FOXP1: variants seen among roughly 807,000 people sequenced by gnomAD.
The protein encoded by FOXP1 is forkhead box P1, also known as forkhead box protein P1.
A neutral mutation model predicts 98.2 loss-of-function variants in FOXP1; 15 were observed. The observed-to-expected ratio is 0.15, with a 90% confidence interval of 0.10 to 0.24. FOXP1 has a LOEUF of 0.24. FOXP1 is among the 10% of genes least tolerant of loss of function. The probability of loss-of-function intolerance (pLI) is 1.00; values close to 1 mark genes in which losing one functional copy is unlikely to be tolerated. For missense variants in FOXP1, 633 were observed against 848.5 expected (o/e 0.75, Z 3.15); for synonymous variants, 371 against 314.5 (o/e 1.18, Z -1.90).
At chr3:71,012,840 AC>A (rs2043851880) in intron 12 of FOXP1, among the ~76,000 whole-genome samples, 1 of 152,110 alleles carries the variant, frequency 6.6e-6, no homozygotes, top group Non-Finnish European at 1.5e-5. Context: ...CAATTTGTAA[AC>A]CATCAAGCAC....
intron 6 of FOXP1, among the ~76,000 whole-genome samples, chr3:71,156,277 C>A (rs2060819354): frequency 6.6e-6 from 1 of 152,134 alleles, no homozygotes; most frequent in Admixed American, 6.5e-5. Context: ...CTTCCTCATT[C>A]CTGCTCTCTT....
rs1446110820 is a variant in FOXP1 at position 70,958,264 on chromosome 3, A to G, written c.*983T>C. 5.6e-6 allele frequency: 3 copies of G among 535,158 alleles called. No individual in the cohort carries two copies. Among genetic ancestry groups the G allele is most frequent in the East Asian group, 3.9e-5 (1 of 25,686 alleles). 33.2% of individuals were successfully genotyped at this position (535,158 alleles called of 1,614,324 possible). ...ACACCCCTCCCCCGAACCACCCCCA[A>G]TACTGCTGCGTGGAATGAATCGGCA... On this transcript the variant is annotated 3_prime_UTR_variant, in exon 21 of 21. Coordinates refer to ENST00000649528, the MANE Select transcript of FOXP1 (RefSeq NM_001349338.3).
chr3:71,302,608 GTTT>G (rs1040022816), intron 4 of FOXP1: 1 of 148,370 alleles, frequency 6.7e-6, no homozygotes, highest in Non-Finnish European at 1.5e-5. Context: ...TACGAATTGC[GTTT>G]TTTTTTCTTT....
intron 6 of FOXP1, among the ~76,000 whole-genome samples, chr3:71,174,785 TACAC>T (rs3064896): frequency 0.068 from 8,923 of 131,670 alleles, 303 homozygotes; most frequent in African/African-American, 0.1. Context: ...TGCACATGCA[TACAC>T]ACACACACAC....
rs917517913 is a variant in FOXP1, at chr3:71,336,139, AAAG to A, written c.-73+23008_-73+23010del. Reference sequence around the variant, plus strand: ...ATCAGAAGGACAGAGGAGCGAATGCAAAGAAGTTACACTCATGAAAGACAGACA... The same window carrying A: ...ATCAGAAGGACAGAGGAGCGAATGCAAAGTTACACTCATGAAAGACAGACA... On this transcript the variant is annotated intron_variant, in intron 4 of 20. Transcript: ENST00000649528. Among the ~76,000 whole-genome samples the A allele has an allele frequency of 3.2e-4, 49 of 152,228 alleles. 1 individual carries two copies. The highest frequency in any genetic ancestry group is 8.7e-4 in the African/African-American group (36 of 41,540).
At chr3:70,960,339 C>A (rs749822057) in intron 20 of FOXP1, among the ~76,000 whole-genome samples, 1 of 152,140 alleles carries the variant, frequency 6.6e-6, no homozygotes, top group Non-Finnish European at 1.5e-5. Flanking sequence ...ACATGAGGCC[C>A]GGCTGGTAGC....
At position 71,051,645 on chromosome 3, in the gene FOXP1, A is replaced by G. The variant is rs185521940; in HGVS notation, c.510+892T>C. On this transcript the variant is annotated intron_variant, in intron 9 of 20. Coordinates refer to ENST00000649528, the MANE Select transcript of FOXP1 (RefSeq NM_001349338.3). ...TTGTGTCATCCCAAGGAGAACACTT[A>G]AACAAAAAGAATTTTCAGTCCACTG... Among the ~76,000 whole-genome samples the G allele has an allele frequency of 2.0e-4, 31 of 152,330 alleles. No homozygotes were observed. The East Asian group carries it at 6.0e-3, about 29-fold the overall frequency.
chr3:71,215,903 C>T (rs1173413340), intron 5 of FOXP1, among the ~76,000 whole-genome samples: 1 of 152,192 alleles, frequency 6.6e-6, no homozygotes, highest in Non-Finnish European at 1.5e-5. Flanking sequence ...GCCTCGAAAT[C>T]TAAAGAAAAT....
At chr3:71,491,836 C>G (rs2107020632) in intron 3 of FOXP1, among the ~76,000 whole-genome samples, 1 of 152,260 alleles carries the variant, frequency 6.6e-6, no homozygotes, top group Non-Finnish European at 1.5e-5. Context: ...TCAAAATGAC[C>G]TCTAGCTATA....
At chr3:71,181,062 G>C (rs892220166) in intron 6 of FOXP1, among the ~76,000 whole-genome samples, 1 of 152,142 alleles carries the variant, frequency 6.6e-6, no homozygotes. Context: ...TGTCAAATAA[G>C]AATTCGTACT....
chr3:71,165,996 C>T (rs1277062430), intron 6 of FOXP1, among the ~76,000 whole-genome samples: 1 of 152,216 alleles, frequency 6.6e-6, no homozygotes, highest in Non-Finnish European at 1.5e-5. Context: ...GATTGCTTGA[C>T]ATTAAGAAAA....
At chr3:71,441,948 C>T (rs1392200594) in intron 3 of FOXP1, among the ~76,000 whole-genome samples, 1 of 152,220 alleles carries the variant, frequency 6.6e-6, no homozygotes, top group South Asian at 2.1e-4. Flanking sequence ...CATAATAAAT[C>T]TCTGTTCTGC....
At chr3:71,356,956 G>C (rs937865465) in intron 4 of FOXP1, among the ~76,000 whole-genome samples, 3 of 152,164 alleles carry the variant, frequency 2.0e-5, no homozygotes, top group African/African-American at 4.8e-5. Flanking sequence ...GCCAATTTGG[G>C]ACAGAAAATT....
chr3:71,023,067 G>C (rs779273795), intron 11 of FOXP1, among the ~76,000 whole-genome samples: 35 of 152,032 alleles, frequency 2.3e-4, no homozygotes, highest in Non-Finnish European at 4.4e-4. Context: ...CTTAAAAGCT[G>C]TTCTGCCTCC....
intron 3 of FOXP1, among the ~76,000 whole-genome samples, chr3:71,408,211 G>C (rs1194566565): frequency 6.6e-6 from 1 of 152,198 alleles, no homozygotes; most frequent in African/African-American, 2.4e-5. Flanking sequence ...TTTTTGCATA[G>C]GGCTGCCAAG....
chr3:71,098,719 G>A (rs1287184516), intron 7 of FOXP1, among the ~76,000 whole-genome samples: 1 of 152,166 alleles, frequency 6.6e-6, no homozygotes, highest in Non-Finnish European at 1.5e-5. Flanking sequence ...GGTGCGGAAT[G>A]TCACAGCATC....
intron 13 of FOXP1, among the ~76,000 whole-genome samples, chr3:70,993,269 G>C (rs934127572): frequency 2.0e-4 from 30 of 152,308 alleles, no homozygotes; most frequent in African/African-American, 6.7e-4. Context: ...AGTGTCACCG[G>C]ACTCCAGCCT....
At chr3:71,577,277 C>G (rs1217852585) in intron 2 of FOXP1, among the ~76,000 whole-genome samples, 1 of 152,126 alleles carries the variant, frequency 6.6e-6, no homozygotes, top group Non-Finnish European at 1.5e-5. Flanking sequence ...CCTCGTAGCC[C>G]TAACTGTAAG....
intron 6 of FOXP1, among the ~76,000 whole-genome samples, chr3:71,160,734 A>G (rs2061094712): frequency 6.6e-6 from 1 of 152,254 alleles, no homozygotes; most frequent in African/African-American, 2.4e-5. Context: ...ACCAATGCAC[A>G]GCATTTTATT....
Sources: gnomAD v4.1 joint callset for allele counts (sites outside exome capture counted in the v4.1 genomes callset) on GRCh38, gnomAD v4.1.1 for gene constraint, MANE v1.5 for transcripts, NCBI Gene and HGNC (gene_info 2026-07-23, HGNC 2026-07-21) for gene names.